The following UBE2E1 variants were observed in gnomAD, a reference collection of about 807,000 sequenced individuals.
The protein encoded by UBE2E1 is ubiquitin conjugating enzyme E2 E1.
A neutral mutation model predicts 21.4 loss-of-function variants in UBE2E1; 6 were observed. The observed-to-expected ratio is 0.28, with a 90% CI of 0.15 to 0.55. The LOEUF (loss-of-function observed/expected upper bound fraction) is 0.55, where lower values mean the gene tolerates loss of function less well. Ranked by LOEUF, UBE2E1 falls within the 20% of genes least tolerant of loss-of-function variation. UBE2E1 has a pLI of 0.93. For missense variants in UBE2E1, 142 were observed against 236.5 expected, an observed-to-expected ratio of 0.60 and a Z score of 2.62; for synonymous variants, 87 against 82.7, an observed-to-expected ratio of 1.05 and a Z score of -0.28.
intron 3 of UBE2E1, among the ~76,000 whole-genome samples, chr3:23,851,715 T>A (rs1700328375): frequency 6.6e-6 from 1 of 152,018 alleles, no homozygotes. Flanking sequence ...GGTGGGAAGA[T>A]CAGTTGAGCC....
In UBE2E1 at chr3:23,853,580, AT is replaced by A; in HGVS notation, c.204-33984del. On this transcript the variant is annotated intron_variant, in intron 3 of 5. Transcript: ENST00000306627. The surrounding 1 kb of genome is among the most constrained non-coding windows in gnomAD (Gnocchi z 4.1). ...TAAGTTTTATGGTTTTAGCTGTTAA[AT>A]TTAGGTCTCTTCATTTCTGTTCACA... is the stretch of plus-strand genomic sequence containing the variant. 6.6e-6 allele frequency among the ~76,000 whole-genome samples: 1 copy of A among 152,192 alleles called. No individual in the cohort carries two copies. Among genetic ancestry groups the A allele is most frequent in the East Asian group, 1.9e-4 (1 of 5,180 alleles).
At chr3:23,854,964 G>A (rs575417434) in intron 3 of UBE2E1, among the ~76,000 whole-genome samples, 267 of 152,330 alleles carry the variant, frequency 1.8e-3, no homozygotes, top group Non-Finnish European at 1.4e-3. Flanking sequence ...TCCACTGACA[G>A]GTTAGGATTC....
At position 23,823,497 on chromosome 3, in the gene UBE2E1, A is replaced by G. The variant is rs1056245430; in HGVS notation, c.203+11987A>G. Among the ~76,000 whole-genome samples the G allele has an allele frequency of 2.0e-5, 3 of 152,192 alleles. No individual in the cohort carries two copies. The highest frequency in any genetic ancestry group is 4.4e-5 in the Non-Finnish European group (3 of 68,028). On this transcript the variant is annotated intron_variant, in intron 3 of 5. Transcript: ENST00000306627. This position sits in a 1 kb window ranked among gnomAD's most constrained non-coding sequence, Gnocchi z 4.2. Reference sequence around the variant, plus strand: ...TCCACAAGTAATTTAAATTGTTCCTACTACCACTTACAACCTTTCCTCCTC... The same window carrying G: ...TCCACAAGTAATTTAAATTGTTCCTGCTACCACTTACAACCTTTCCTCCTC...
intron 3 of UBE2E1, among the ~76,000 whole-genome samples, chr3:23,868,053 C>T (rs1282413082): frequency 6.6e-6 from 1 of 152,144 alleles, no homozygotes; most frequent in Non-Finnish European, 1.5e-5. Context: ...ATCAGTGGGT[C>T]ACTATTGAAA....
Position 23,862,871 on chromosome 3 carries a change from A to T in UBE2E1, c.204-24696A>T, listed in dbSNP as rs191992955. Among the ~76,000 whole-genome samples the T allele has an allele frequency of 4.3e-4, 65 of 152,166 alleles. 1 individual carries two copies. The highest frequency in any genetic ancestry group is 1.5e-3 in the African/African-American group (64 of 41,516). ...CTTCCAAGTAGCTGGGGCTACAGGC[A>T]TGCACCACCACACTCAGCTAATTTT... On this transcript the variant is annotated intron_variant, in intron 3 of 5. Transcript: ENST00000306627.
intron 3 of UBE2E1, among the ~76,000 whole-genome samples, chr3:23,840,282 T>C (rs1443142785): frequency 6.6e-6 from 1 of 152,258 alleles, no homozygotes; most frequent in Admixed American, 6.5e-5. Context: ...TGGATCAGTT[T>C]CTATTGATTG....
At chr3:23,859,908 A>G (rs1406620929) in intron 3 of UBE2E1, among the ~76,000 whole-genome samples, 1 of 152,224 alleles carries the variant, frequency 6.6e-6, no homozygotes, top group African/African-American at 2.4e-5. Flanking sequence ...TATAAAGCAT[A>G]TAAGGATTTA....
At chr3:23,848,602 A>G (rs1214344778) in intron 3 of UBE2E1, among the ~76,000 whole-genome samples, 1 of 151,686 alleles carries the variant, frequency 6.6e-6, no homozygotes, top group African/African-American at 2.4e-5. Flanking sequence ...ACAATTTTAG[A>G]AAAAAAAATA....
rs58824421 is a variant in UBE2E1 at position 23,812,994 on chromosome 3, T to A, written c.203+1484T>A. 8.8e-5 allele frequency among the ~76,000 whole-genome samples: 13 copies of A among 148,164 alleles called. No homozygotes were observed. The South Asian group carries it at 2.1e-3, about 24-fold the overall frequency. ...GAAGATTTTCATGGGATTAAGCATT[T>A]AAAAAAAAAAAACAGTGTAAGTACA... On this transcript the variant is annotated intron_variant, in intron 3 of 5. Coordinates refer to ENST00000306627, the MANE Select transcript of UBE2E1 (RefSeq NM_003341.5).
chr3:23,832,137 A>G (rs1379447995), intron 3 of UBE2E1, among the ~76,000 whole-genome samples: 4 of 152,218 alleles, frequency 2.6e-5, no homozygotes, highest in Non-Finnish European at 5.9e-5. Context: ...GGGTTTAGAA[A>G]ACAGTAACTG....
intron 4 of UBE2E1, among the ~76,000 whole-genome samples, 157 bp from the exon 5 acceptor site, chr3:23,888,955 G>A (rs761845793): frequency 6.6e-6 from 1 of 152,150 alleles, no homozygotes; most frequent in Non-Finnish European, 1.5e-5. Context: ...TCCCTGAGAT[G>A]GTATCAATGA....
intron 3 of UBE2E1, among the ~76,000 whole-genome samples, chr3:23,880,260 G>A (rs2125325827): frequency 6.6e-6 from 1 of 152,340 alleles, no homozygotes; most frequent in Admixed American, 6.5e-5. Flanking sequence ...GCGGATGCCT[G>A]TAATCCCAGC....
intron 3 of UBE2E1, among the ~76,000 whole-genome samples, chr3:23,883,372 T>C (rs1056805303): frequency 1.3e-5 from 2 of 152,038 alleles, no homozygotes; most frequent in Non-Finnish European, 2.9e-5. Context: ...TAAAGCTGAG[T>C]CTTACTCCCT....
rs1699363457 is a variant in UBE2E1, at chr3:23,810,531, C to G, written c.153-929C>G. 6.5e-7 allele frequency: 1 copy of G among 1,534,742 alleles called. No individual in the cohort carries two copies. The highest frequency in any genetic ancestry group is 8.7e-7 in the Non-Finnish European group (1 of 1,146,150). ...AGAGGACGCCCGGGGAAAAGCAGGTCCGGGGAGGTGGGCCGAGAGTCCCGG... is the reference window on the plus strand; with the variant it reads ...AGAGGACGCCCGGGGAAAAGCAGGTGCGGGGAGGTGGGCCGAGAGTCCCGG... On this transcript the variant is annotated intron_variant, in intron 2 of 5. Coordinates refer to ENST00000306627, the MANE Select transcript of UBE2E1 (RefSeq NM_003341.5). This position sits in a 1 kb window ranked among gnomAD's most constrained non-coding sequence, Gnocchi z 5.8.
intron 3 of UBE2E1, among the ~76,000 whole-genome samples, chr3:23,825,472 G>T (rs1450128716): frequency 6.6e-6 from 1 of 152,186 alleles, no homozygotes; most frequent in South Asian, 2.1e-4. Flanking sequence ...CACTGTCTCT[G>T]TGCTCATGGA....
intron 3 of UBE2E1, among the ~76,000 whole-genome samples, chr3:23,858,172 A>G (rs1257093729): frequency 6.6e-6 from 1 of 152,150 alleles, no homozygotes; most frequent in Middle Eastern, 3.2e-3. Flanking sequence ...TGTTACCTAC[A>G]GTGTAAATTC....
At chr3:23,814,602 T>C (rs1699472207) in intron 3 of UBE2E1, among the ~76,000 whole-genome samples, 1 of 152,130 alleles carries the variant, frequency 6.6e-6, no homozygotes, top group African/African-American at 2.4e-5. Context: ...GGGAAAAAAA[T>C]ATGTTAACTT....
At position 23,823,875 on chromosome 3, in the gene UBE2E1, G is replaced by A. The variant is rs1487528554; in HGVS notation, c.203+12365G>A. Among the ~76,000 whole-genome samples, 1 of 152,112 alleles carries A rather than the reference G, an allele frequency of 6.6e-6. No individual in the cohort carries two copies. Among genetic ancestry groups the A allele is most frequent in the South Asian group, 2.1e-4 (1 of 4,832 alleles). On this transcript the variant is annotated intron_variant, in intron 3 of 5. Coordinates refer to ENST00000306627, the MANE Select transcript of UBE2E1 (RefSeq NM_003341.5). This position sits in a 1 kb window ranked among gnomAD's most constrained non-coding sequence, Gnocchi z 4.2. ...CTTTTTCTGAGTAACCCTCTCTCTG[G>A]AAGTCTTCAGAATGCCTAACTTCAT... is the stretch of plus-strand genomic sequence containing the variant.
chr3:23,879,410 C>G (rs761576475), intron 3 of UBE2E1: 2 of 491,436 alleles, frequency 4.1e-6, no homozygotes, highest in East Asian at 1.1e-4. Flanking sequence ...CTTGCTAGCA[C>G]AGTACAAACC....
Sources: gnomAD v4.1 joint callset for allele counts (sites outside exome capture counted in the v4.1 genomes callset) on GRCh38, gnomAD v4.1.1 for gene constraint, Gnocchi (gnomAD v3.1) non-coding constraint, MANE v1.5 for transcripts, NCBI Gene and HGNC (gene_info 2026-07-23, HGNC 2026-07-21) for gene names.